Variants in SRC observed in about 807,000 individuals in gnomAD.
SRC encodes SRC proto-oncogene, non-receptor tyrosine kinase, also known as proto-oncogene tyrosine-protein kinase Src.
Under a neutral mutation model 62.9 loss-of-function variants are expected in SRC, and 13 were observed. That is an observed-to-expected ratio of 0.21 (90% CI 0.13 to 0.33). The LOEUF (loss-of-function observed/expected upper bound fraction) is 0.33, where lower values mean the gene tolerates loss of function less well. Among genes scored for constraint, SRC ranks in the 10% least tolerant of loss-of-function variants. SRC has a pLI of 1.00. For synonymous variants in SRC, 302 were observed against 317.5 expected (o/e 0.95, Z 0.52); for missense variants, 457 against 737.3 (o/e 0.62, Z 4.40).
chr20:37,347,689 G>A (rs1183819446), intron 1 of SRC, among the ~76,000 whole-genome samples: 1 of 152,164 alleles, frequency 6.6e-6, no homozygotes, highest in Non-Finnish European at 1.5e-5. Context: ...ATATAAAACT[G>A]GGCCAGTGGT....
chr20:37,397,678 C>A lies in SRC; in HGVS notation c.704-21C>A. 6.5e-7 allele frequency: 1 copy of A among 1,539,484 alleles called. No homozygotes were observed. Among genetic ancestry groups the A allele is most frequent in the South Asian group, 1.3e-5 (1 of 79,956 alleles). ...CCAGGGCAGAAGACCCGCCTAACTG[C>A]TCCTCCTGCCTCCTCCTCAGAACAC... is the stretch of plus-strand genomic sequence containing the variant. On this transcript the variant is annotated intron_variant, in intron 8 of 13. Coordinates refer to ENST00000373578, the MANE Select transcript of SRC (RefSeq NM_198291.3). This position sits in a 1 kb window ranked among gnomAD's most constrained non-coding sequence, Gnocchi z 4.1.
chr20:37,389,829 C>T, intron 5 of SRC, among the ~76,000 whole-genome samples: 1 of 152,296 alleles, frequency 6.6e-6, no homozygotes, highest in African/African-American at 2.4e-5. Flanking sequence ...AAAATCATGG[C>T]TCTGGGACTC....
At position 37,384,411 on chromosome 20, in the gene SRC, C is replaced by A; in HGVS notation, c.250+8C>A. 1 of 1,354,404 alleles carries A rather than the reference C, an allele frequency of 7.4e-7. No homozygotes were observed. The highest frequency in any genetic ancestry group is 9.4e-7 in the Non-Finnish European group (1 of 1,061,840). The allele number at this position is 1,354,404 out of a possible 1,614,324, so 83.9% of individuals were successfully genotyped here. A position where few individuals can be genotyped will look rare whatever the true frequency, so the allele number is the denominator to read the frequency against. On this transcript the variant is annotated splice_region_variant and intron_variant, in intron 4 of 13. Transcript: ENST00000373578. The surrounding 1 kb of genome is among the most constrained non-coding windows in gnomAD (Gnocchi z 6.7). ...GGGCGGGCCCGCTGGCCGGTCAGTG[C>A]GCGGGCGGCGCGGGGTCCTCGCCCA...
rs1041625159 is a variant in SRC at position 37,402,064 on chromosome 20, A to G, written c.1117-371A>G. On this transcript the variant is annotated intron_variant, in intron 11 of 13. Transcript: ENST00000373578. This position sits in a 1 kb window ranked among gnomAD's most constrained non-coding sequence, Gnocchi z 6.2. ...GTGACGAGGATTGGCTGTTATTCCC[A>G]TTGGACGGATGAGAAAACTGAGGCT... The G allele has an allele frequency of 3.3e-6, 1 of 302,238 alleles. No individual in the cohort carries two copies. Among genetic ancestry groups the G allele is most frequent in the Admixed American group, 4.9e-5 (1 of 20,224 alleles). 18.7% of individuals were successfully genotyped at this position (302,238 alleles called of 1,614,324 possible).
chr20:37,402,140 G>C lies in SRC; in HGVS notation c.1117-295G>C. On this transcript the variant is annotated intron_variant, in intron 11 of 13. Coordinates refer to ENST00000373578, the MANE Select transcript of SRC (RefSeq NM_198291.3). This position sits in a 1 kb window ranked among gnomAD's most constrained non-coding sequence, Gnocchi z 6.2. ...AGGACCTGGCACTCATCTGTGTCTG[G>C]GTCCGCTGGGGCCTCTTTCCCTGGT... 2.5e-6 allele frequency: 1 copy of C among 395,372 alleles called. No homozygotes were observed. Among genetic ancestry groups the C allele is most frequent in the East Asian group, 4.7e-5 (1 of 21,428 alleles). The allele number at this position is 395,372 out of a possible 1,614,324, so 24.5% of individuals were successfully genotyped here. A position where few individuals can be genotyped will look rare whatever the true frequency, so the allele number is the denominator to read the frequency against.
chr20:37,396,025 TGA>T lies in SRC; in HGVS notation c.554-132_554-131del, dbSNP rs922353212. On this transcript the variant is annotated intron_variant, in intron 7 of 13. Transcript: ENST00000373578. The surrounding 1 kb of genome is among the most constrained non-coding windows in gnomAD (Gnocchi z 6.1). Reference sequence around the variant, plus strand: ...CTGTGGCTGCCCCGGGGCTGGCTGTTGAGAGACAGGGTGGGCCTGGGGCCCCG... The same window carrying T: ...CTGTGGCTGCCCCGGGGCTGGCTGTTGAGACAGGGTGGGCCTGGGGCCCCG... 7.9e-6 allele frequency: 10 copies of T among 1,272,332 alleles called. No individual in the cohort carries two copies. The highest frequency in any genetic ancestry group is 9.6e-6 in the Non-Finnish European group (9 of 933,810). The allele number at this position is 1,272,332 out of a possible 1,614,324, so 78.8% of individuals were successfully genotyped here.
At chr20:37,380,253 C>A (rs1249556420) in intron 2 of SRC, among the ~76,000 whole-genome samples, 1 of 152,142 alleles carries the variant, frequency 6.6e-6, no homozygotes, top group South Asian at 2.1e-4. Flanking sequence ...GGCCATCTGG[C>A]TGCTTTGTGA....
intron 5 of SRC, among the ~76,000 whole-genome samples, chr20:37,390,474 T>G (rs2070529408): frequency 6.8e-6 from 1 of 146,692 alleles, no homozygotes; most frequent in Non-Finnish European, 1.5e-5. Context: ...CTTGGCTTAC[T>G]GCAATCTCTA....
intron 2 of SRC, among the ~76,000 whole-genome samples, chr20:37,365,680 G>A (rs910437438): frequency 4.6e-5 from 7 of 152,078 alleles, no homozygotes; most frequent in Middle Eastern, 6.8e-3. Flanking sequence ...GAAATCCTGG[G>A]CTCAAACGAT....
At position 37,396,376 on chromosome 20, in the gene SRC, G is replaced by C; in HGVS notation, c.703+65G>C. ...CCTCAGCTGCAGACTCTGGGGAGGG[G>C]CCTTGGAGCCTAGAAGGGTGGGGAC... On this transcript the variant is annotated intron_variant, in intron 8 of 13. Coordinates refer to ENST00000373578, the MANE Select transcript of SRC (RefSeq NM_198291.3). The surrounding 1 kb of genome is among the most constrained non-coding windows in gnomAD (Gnocchi z 6.1). 6.3e-7 allele frequency: 1 copy of C among 1,588,198 alleles called. No homozygotes were observed. Among genetic ancestry groups the C allele is most frequent in the Non-Finnish European group, 8.6e-7 (1 of 1,169,328 alleles).
intron 1 of SRC, among the ~76,000 whole-genome samples, chr20:37,349,628 G>A (rs1568615883): frequency 6.6e-6 from 1 of 152,236 alleles, no homozygotes; most frequent in Admixed American, 6.5e-5. Context: ...TGTTGCATTG[G>A]ACAGGTCACT....
chr20:37,368,867 A>T (rs777901718), intron 2 of SRC, among the ~76,000 whole-genome samples: 4 of 152,018 alleles, frequency 2.6e-5, no homozygotes, highest in Admixed American at 1.3e-4. Context: ...ATATTTTCTT[A>T]TGAGAGTTTT....
In SRC at chr20:37,404,688, C is replaced by T. The variant is rs1878564401; in HGVS notation, c.*1309C>T. 4.3e-6 allele frequency: 1 copy of T among 233,492 alleles called. No individual in the cohort carries two copies. The highest frequency in any genetic ancestry group is 8.5e-6 in the Non-Finnish European group (1 of 118,146). 14.5% of individuals were successfully genotyped at this position (233,492 alleles called of 1,614,324 possible). A position where few individuals can be genotyped will look rare whatever the true frequency, so the allele number is the denominator to read the frequency against. On this transcript the variant is annotated 3_prime_UTR_variant, in exon 14 of 14. Transcript: ENST00000373578. ...TCTGCCCCACATGTGGCCATGGCCT[C>T]TGCAACTGCTCAGCTCTGGTCCAGG...
At chr20:37,399,327 G>A (rs537943321) in intron 9 of SRC, among the ~76,000 whole-genome samples, 113 of 152,264 alleles carry the variant, frequency 7.4e-4, no homozygotes, top group Middle Eastern at 3.4e-3. Context: ...TTGGGGGGCG[G>A]GTGGGCTCCA....
chr20:37,346,377 C>T (rs894209260), intron 1 of SRC, 122 bp downstream of exon 1: 1 of 151,178 alleles, frequency 6.6e-6, no homozygotes, highest in African/African-American at 2.4e-5. Flanking sequence ...CCCCCAATTC[C>T]CACCCCCCCT....
intron 2 of SRC, among the ~76,000 whole-genome samples, chr20:37,373,639 G>A (rs560639698): frequency 1.3e-5 from 2 of 152,288 alleles, no homozygotes; most frequent in South Asian, 4.1e-4. Flanking sequence ...TATTGTTTGA[G>A]TATTTTGTGG....
chr20:37,405,248 G>A lies in SRC; in HGVS notation c.*1869G>A. 1 of 179,224 alleles carries A rather than the reference G, an allele frequency of 5.6e-6. No individual in the cohort carries two copies. The highest frequency in any genetic ancestry group is 6.8e-5 in the Admixed American group (1 of 14,720). 11.1% of individuals were successfully genotyped at this position (179,224 alleles called of 1,614,324 possible). A position where few individuals can be genotyped will look rare whatever the true frequency, so the allele number is the denominator to read the frequency against. On this transcript the variant is annotated 3_prime_UTR_variant, in exon 14 of 14. Coordinates refer to ENST00000373578, the MANE Select transcript of SRC (RefSeq NM_198291.3). ...TACTGTCCTTTTTTTTTTTTTAACA[G>A]TGTTTTGTAGATTTCAGATGACTAT...
At position 37,384,138 on chromosome 20, in the gene SRC, C is replaced by A; in HGVS notation, c.-4-12C>A. The A allele has an allele frequency of 6.3e-7, 1 of 1,599,458 alleles. No homozygotes were observed. The highest frequency in any genetic ancestry group is 8.5e-7 in the Non-Finnish European group (1 of 1,176,462). On this transcript the variant is annotated splice_polypyrimidine_tract_variant and intron_variant, in intron 3 of 13. Transcript: ENST00000373578. The surrounding 1 kb of genome is among the most constrained non-coding windows in gnomAD (Gnocchi z 6.7). ...CCCTGCCTGTTCCAGTGTCTTCTCT[C>A]TCTCCTGCCAGGACCATGGGTAGCA...
At position 37,384,475 on chromosome 20, in the gene SRC, CG is replaced by C; in HGVS notation, c.250+76del. On this transcript the variant is annotated intron_variant, in intron 4 of 13. Coordinates refer to ENST00000373578, the MANE Select transcript of SRC (RefSeq NM_198291.3). This position sits in a 1 kb window ranked among gnomAD's most constrained non-coding sequence, Gnocchi z 6.7. ...CGGGGAGGCGGCGGGGCTGTGTGCC[CG>C]GGGTCGCCCCCTCTGCGCAGGCCCT... is the stretch of plus-strand genomic sequence containing the variant. The C allele has an allele frequency of 8.2e-7, 1 of 1,224,306 alleles. No individual in the cohort carries two copies. The highest frequency in any genetic ancestry group is 2.7e-5 in the South Asian group (1 of 37,446). The allele number at this position is 1,224,306 out of a possible 1,614,324, so 75.8% of individuals were successfully genotyped here.
Sources: gnomAD v4.1 joint callset for allele counts (sites outside exome capture counted in the v4.1 genomes callset) on GRCh38, gnomAD v4.1.1 for gene constraint, Gnocchi (gnomAD v3.1) non-coding constraint, MANE v1.5 for transcripts, NCBI Gene and HGNC (gene_info 2026-07-23, HGNC 2026-07-21) for gene names.